The following ZNF248 variants were observed in gnomAD, a reference collection of about 807,000 sequenced individuals.
ZNF248 encodes KRAB protein domain.
In ZNF248, 20 loss-of-function variants were observed where a neutral mutation model predicts 44.3. That is an observed-to-expected ratio of 0.45 (90% CI 0.32 to 0.66). ZNF248 has a LOEUF of 0.66. ZNF248 is among the 30% of genes least tolerant of loss of function. The pLI is 0.04. For synonymous variants in ZNF248, 224 were observed against 229.0 expected (o/e 0.98, Z 0.20); for missense variants, 654 against 677.0 (o/e 0.97, Z 0.38).
In ZNF248 at chr10:37,831,494, G is replaced by A. The variant is rs1258700745; in HGVS notation, c.*121C>T. ...TGAAAAGTTTTAATTTTTCTTGAAAGCTTTTACATATTCAAACAAGAAGTC... is the reference window on the plus strand; with the variant it reads ...TGAAAAGTTTTAATTTTTCTTGAAAACTTTTACATATTCAAACAAGAAGTC... On this transcript the variant is annotated 3_prime_UTR_variant, in exon 6 of 6. Transcript: ENST00000395867. 6.8e-6 allele frequency: 10 copies of A among 1,463,108 alleles called. No homozygotes were observed. In the Admixed American group the frequency reaches 2.0e-4, roughly 29 times the overall value. 90.6% of individuals were successfully genotyped at this position (1,463,108 alleles called of 1,614,324 possible).
In ZNF248 at chr10:37,856,339, T is replaced by G; in HGVS notation, c.-27-2A>C. 6.2e-7 allele frequency: 1 copy of G among 1,613,458 alleles called. No individual in the cohort carries two copies. Among genetic ancestry groups the G allele is most frequent in the Non-Finnish European group, 8.5e-7 (1 of 1,179,746 alleles). On this transcript the variant is annotated splice_acceptor_variant, in intron 2 of 5. Transcript: ENST00000395867. LOFTEE classifies it low-confidence loss of function (5UTR_SPLICE). ...CCGCTCTTAGTGGAGGAAGGAGAGC[T>G]GAAGGATTAGAAAGGAAGAATGTCA...
At chr10:37,782,465 G>T (rs2047423948) in intron 6 of ZNF248, among the ~76,000 whole-genome samples, 1 of 152,112 alleles carries the variant, frequency 6.6e-6, no homozygotes, top group Non-Finnish European at 1.5e-5. Flanking sequence ...TGGGGGTTGG[G>T]GGGCAGAGGG....
chr10:37,777,022 A>C (rs1452186483), intron 6 of ZNF248, among the ~76,000 whole-genome samples: 4 of 152,128 alleles, frequency 2.6e-5, no homozygotes, highest in Non-Finnish European at 5.9e-5. Context: ...CTCTGTGCCA[A>C]ATTTTTTACA....
Position 37,830,308 on chromosome 10 carries a change from A to C in ZNF248, c.*1307T>G. 1 of 985,368 alleles carries C rather than the reference A, an allele frequency of 1.0e-6. No homozygotes were observed. The highest frequency in any genetic ancestry group is 1.2e-6 in the Non-Finnish European group (1 of 829,928). The allele number at this position is 985,368 out of a possible 1,614,324, so 61.0% of individuals were successfully genotyped here. A position where few individuals can be genotyped will look rare whatever the true frequency, so the allele number is the denominator to read the frequency against. Reference sequence around the variant, plus strand: ...AAGTACTGTTTAACTTCTTTACTGAAGTGATAGTTCAATAATGGCCATATT... The same window carrying C: ...AAGTACTGTTTAACTTCTTTACTGACGTGATAGTTCAATAATGGCCATATT... On this transcript the variant is annotated 3_prime_UTR_variant, in exon 6 of 6. Transcript: ENST00000395867.
At chr10:37,823,773 C>A (rs898336820), downstream of ZNF248, among the ~76,000 whole-genome samples, 1 of 151,948 alleles carries the variant, frequency 6.6e-6, no homozygotes, top group Non-Finnish European at 1.5e-5. Flanking sequence ...AAGGTTTCAC[C>A]ATGTTGGCCA....
At chr10:37,774,522 A>G (rs1028834260), downstream of ZNF248, among the ~76,000 whole-genome samples, 2 of 152,180 alleles carry the variant, frequency 1.3e-5, no homozygotes, top group East Asian at 3.9e-4. Flanking sequence ...ACCTGGGGAT[A>G]TGCTAGGCTA....
the ZNF248 span, among the ~76,000 whole-genome samples, chr10:37,766,187 CACAG>C: frequency 6.6e-6 from 1 of 152,258 alleles, no homozygotes; most frequent in Non-Finnish European, 1.5e-5. Context: ...GGGGGCAGGG[CACAG>C]ACAAACAAAA....
At chr10:37,806,429 C>T (rs2050577148) in intron 6 of ZNF248, among the ~76,000 whole-genome samples, 2 of 152,058 alleles carry the variant, frequency 1.3e-5, no homozygotes, top group Non-Finnish European at 2.9e-5. Context: ...TTGATAGTAG[C>T]CATTCCATTG....
At chr10:37,789,090 G>A (rs1335130958) in intron 6 of ZNF248, among the ~76,000 whole-genome samples, 3 of 152,070 alleles carry the variant, frequency 2.0e-5, no homozygotes, top group Non-Finnish European at 2.9e-5. Context: ...CAGGCTGAAA[G>A]ACAATTTTAT....
chr10:37,833,754 C>A (rs529577714), intron 5 of ZNF248, among the ~76,000 whole-genome samples: 2 of 151,822 alleles, frequency 1.3e-5, no homozygotes, highest in African/African-American at 4.8e-5. Flanking sequence ...TTTTTTAATG[C>A]TGTAGGAAAA....
At chr10:37,769,403 A>C in the ZNF248 span, among the ~76,000 whole-genome samples, 1 of 152,314 alleles carries the variant, frequency 6.6e-6, no homozygotes, top group South Asian at 2.1e-4. Flanking sequence ...ATCCAGCAGC[A>C]CATCAAAAAG....
At chr10:37,833,897 TAGAG>T (rs2056536165) in intron 5 of ZNF248, among the ~76,000 whole-genome samples, 1 of 151,880 alleles carries the variant, frequency 6.6e-6, no homozygotes, top group Non-Finnish European at 1.5e-5. Context: ...AAAAAGGAAA[TAGAG>T]TGAGTGGTAG....
At chr10:37,853,383 T>C (rs1490567129) in intron 3 of ZNF248, among the ~76,000 whole-genome samples, 2 of 152,148 alleles carry the variant, frequency 1.3e-5, no homozygotes, top group African/African-American at 2.4e-5. Flanking sequence ...GAATGGTTTT[T>C]TGTTTTCTTT....
intron 3 of ZNF248, among the ~76,000 whole-genome samples, chr10:37,840,475 T>G (rs2058134899): frequency 6.6e-6 from 1 of 152,190 alleles, no homozygotes; most frequent in Non-Finnish European, 1.5e-5. Context: ...GATACCATAA[T>G]ATTTATTAAA....
At chr10:37,835,124 G>A (rs1589687523) in intron 5 of ZNF248, among the ~76,000 whole-genome samples, 1 of 148,560 alleles carries the variant, frequency 6.7e-6, no homozygotes, top group Non-Finnish European at 1.5e-5. Flanking sequence ...GAATAATTTA[G>A]GCTAAAAAAA....
chr10:37,839,738 C>G (rs573016077), intron 3 of ZNF248, among the ~76,000 whole-genome samples: 3 of 152,236 alleles, frequency 2.0e-5, no homozygotes, highest in African/African-American at 7.2e-5. Context: ...GGAGACTTAA[C>G]ACCCCTGTAA....
At chr10:37,800,065 GA>G (rs1564487923) in intron 6 of ZNF248, among the ~76,000 whole-genome samples, 3 of 151,894 alleles carry the variant, frequency 2.0e-5, no homozygotes, top group Admixed American at 2.0e-4. Context: ...AATAAAAAAA[GA>G]AAAGAAAGAA....
At chr10:37,769,277 C>T in the ZNF248 span, among the ~76,000 whole-genome samples, 1 of 152,182 alleles carries the variant, frequency 6.6e-6, no homozygotes, top group African/African-American at 2.4e-5. Flanking sequence ...TTTTATGAGG[C>T]CAGCACCATC....
At chr10:37,836,735 C>T (rs1174415408) in intron 5 of ZNF248, among the ~76,000 whole-genome samples, 3 of 151,404 alleles carry the variant, frequency 2.0e-5, no homozygotes, top group Non-Finnish European at 4.4e-5. Context: ...CACATATGCA[C>T]ATGGGTGTGT....
Sources: gnomAD v4.1 joint callset for allele counts (sites outside exome capture counted in the v4.1 genomes callset) on GRCh38, gnomAD v4.1.1 for gene constraint, MANE v1.5 for transcripts, NCBI Gene and HGNC (gene_info 2026-07-23, HGNC 2026-07-21) for gene names.